Variants in CLDN10 observed in about 807,000 individuals in gnomAD.
CLDN10 encodes the protein claudin-10.
A neutral mutation model predicts 22.9 loss-of-function variants in CLDN10; 15 were observed. The observed-to-expected ratio is 0.65, with a 90% CI of 0.44 to 1.01. CLDN10 has a LOEUF of 1.01. Among genes scored for constraint, CLDN10 ranks in the 50% least tolerant of loss-of-function variants. The probability of loss-of-function intolerance (pLI) is 0.00; values close to 1 mark genes in which losing one functional copy is unlikely to be tolerated. For synonymous variants in CLDN10, 114 were observed against 111.4 expected (o/e 1.02, Z -0.15); for missense variants, 247 against 287.8 (o/e 0.86, Z 1.03).
At chr13:95,483,192 T>G (rs2042768144) in intron 1 of CLDN10, among the ~76,000 whole-genome samples, 1 of 150,992 alleles carries the variant, frequency 6.6e-6, no homozygotes, top group South Asian at 2.1e-4. Context: ...CCTGGAGGAT[T>G]CACCTGACTA....
chr13:95,516,968 CTCCTTCCTTCCTTCCTTCCTTCCT>C (rs59808109), intron 1 of CLDN10, among the ~76,000 whole-genome samples: 40,534 of 135,418 alleles, frequency 0.3, 7,219 homozygotes, highest in Admixed American at 0.39. Context: ...AATAGATTCT[CTCCTTCCTTCCTTCCTTCCTTCCT>C]TCCTTCCTTC....
chr13:95,434,326 G>C (rs2042242025), intron 1 of CLDN10, among the ~76,000 whole-genome samples: 1 of 152,046 alleles, frequency 6.6e-6, no homozygotes, highest in Non-Finnish European at 1.5e-5. Context: ...TGTTTTAAAA[G>C]TCAGTTTCAA....
intron 1 of CLDN10, chr13:95,479,346 T>A (rs1415425956): frequency 1.3e-5 from 2 of 151,778 alleles, no homozygotes; most frequent in Non-Finnish European, 2.9e-5. Flanking sequence ...CAAGACTCCA[T>A]CTCGGGGGGA....
chr13:95,567,650 AAC>A (rs1389098429), intron 3 of CLDN10, among the ~76,000 whole-genome samples: 4 of 152,208 alleles, frequency 2.6e-5, no homozygotes, highest in Non-Finnish European at 5.9e-5. Context: ...CAGAACTTCC[AAC>A]ACTATGTTGA....
At chr13:95,547,226 C>T (rs751072813) in intron 1 of CLDN10, among the ~76,000 whole-genome samples, 3 of 151,934 alleles carry the variant, frequency 2.0e-5, no homozygotes, top group South Asian at 2.1e-4. Context: ...TCTCACTTTC[C>T]TTTGCAAGCG....
chr13:95,538,662 CTCT>C (rs2043426578), intron 1 of CLDN10, among the ~76,000 whole-genome samples: 1 of 152,124 alleles, frequency 6.6e-6, no homozygotes, highest in African/African-American at 2.4e-5. Flanking sequence ...AAGATCTGAT[CTCT>C]TCTTCTATAG....
chr13:95,436,156 A>G (rs545428889), intron 1 of CLDN10, among the ~76,000 whole-genome samples: 1 of 152,186 alleles, frequency 6.6e-6, no homozygotes, highest in South Asian at 2.1e-4. Flanking sequence ...TATGGTCCAG[A>G]TATCTCTCAC....
chr13:95,467,915 GA>G (rs1365918789), intron 1 of CLDN10, among the ~76,000 whole-genome samples: 2 of 152,220 alleles, frequency 1.3e-5, no homozygotes, highest in Admixed American at 1.3e-4. Context: ...AAGGCTGTCA[GA>G]TGGGAAGAAT....
rs920036883 is a variant in CLDN10 at position 95,483,645 on chromosome 13, G to A, written c.214+49598G>A. On this transcript the variant is annotated intron_variant, in intron 1 of 4. Transcript: ENST00000376873. ...AAGCAGGAGTGGGCAGAGCAGTGAC[G>A]TTGAGCTACAACCCAAGGCTGACAG... Among the ~76,000 whole-genome samples the A allele has an allele frequency of 2.6e-5, 4 of 152,198 alleles. No individual in the cohort carries two copies. The South Asian group carries it at 8.3e-4, about 32-fold the overall frequency.
At chr13:95,463,268 C>A (rs1197241590) in intron 1 of CLDN10, among the ~76,000 whole-genome samples, 2 of 76,186 alleles carry the variant, frequency 2.6e-5, no homozygotes, top group Admixed American at 1.6e-4. Context: ...ATAGTTGAGT[C>A]AAAAGTGCAA....
At chr13:95,522,591 G>A (rs34485920) in intron 1 of CLDN10, among the ~76,000 whole-genome samples, 15,138 of 152,006 alleles carry the variant, frequency 0.1, 925 homozygotes, top group Middle Eastern at 0.13. Flanking sequence ...CCAGAAGGTA[G>A]AGATTGCTGG....
chr13:95,538,292 C>G (rs951001607), intron 1 of CLDN10, among the ~76,000 whole-genome samples: 1 of 151,486 alleles, frequency 6.6e-6, no homozygotes, highest in Non-Finnish European at 1.5e-5. Flanking sequence ...CGCCCACCAC[C>G]ACGCCTGGCT....
intron 1 of CLDN10, among the ~76,000 whole-genome samples, chr13:95,445,053 G>A (rs2042359571): frequency 1.3e-5 from 2 of 152,254 alleles, no homozygotes; most frequent in African/African-American, 4.8e-5. Flanking sequence ...TGGGATTACA[G>A]GCAGGAGCCG....
intron 1 of CLDN10, among the ~76,000 whole-genome samples, chr13:95,512,448 A>T (rs1478552337): frequency 6.6e-6 from 1 of 152,044 alleles, no homozygotes; most frequent in South Asian, 2.1e-4. Context: ...TCTGTTTTCG[A>T]TGTAAATGTG....
At chr13:95,438,843 G>A (rs957064363) in intron 1 of CLDN10, among the ~76,000 whole-genome samples, 1 of 152,040 alleles carries the variant, frequency 6.6e-6, no homozygotes, top group Non-Finnish European at 1.5e-5. Flanking sequence ...GCCAGGCGTG[G>A]TGGCGGGTCC....
chr13:95,474,715 C>T (rs747175563), intron 1 of CLDN10, among the ~76,000 whole-genome samples: 5 of 152,138 alleles, frequency 3.3e-5, no homozygotes, highest in Non-Finnish European at 7.3e-5. Flanking sequence ...TATGTAGAAA[C>T]GGATGGGGAG....
intron 1 of CLDN10, among the ~76,000 whole-genome samples, chr13:95,483,281 G>A (rs1217245109): frequency 6.6e-6 from 1 of 152,136 alleles, no homozygotes; most frequent in African/African-American, 2.4e-5. Flanking sequence ...CATTATTTGG[G>A]AGATTTACCC....
chr13:95,572,131 C>T (rs1010387153), intron 3 of CLDN10, among the ~76,000 whole-genome samples: 2 of 152,094 alleles, frequency 1.3e-5, no homozygotes, highest in Non-Finnish European at 2.9e-5. Context: ...ATCCTCACCT[C>T]TTTTTGTGCC....
chr13:95,526,787 C>CAAATAAATAAATAAATAAAT (rs71113945), intron 1 of CLDN10, among the ~76,000 whole-genome samples: 2 of 149,704 alleles, frequency 1.3e-5, no homozygotes, highest in African/African-American at 2.5e-5. Flanking sequence ...AATTCCATCT[C>CAAATAAATAAATAAATAAAT]AAATAAATAA....
Sources: gnomAD v4.1 joint callset for allele counts (sites outside exome capture counted in the v4.1 genomes callset) on GRCh38, gnomAD v4.1.1 for gene constraint, MANE v1.5 for transcripts, NCBI Gene and HGNC (gene_info 2026-07-23, HGNC 2026-07-21) for gene names.